Variants in CLIC5 observed in about 807,000 individuals in gnomAD.
The protein encoded by CLIC5 is CLIC family member 5, also known as chloride intracellular channel protein 5.
A neutral mutation model predicts 24.7 loss-of-function variants in CLIC5; 20 were observed. The observed-to-expected ratio is 0.81, with a 90% CI of 0.57 to 1.18. The LOEUF is 1.18. CLIC5 is among the 50% of genes most tolerant of loss of function. The pLI, the probability that CLIC5 is intolerant of heterozygous loss-of-function variation, is 0.00. For synonymous variants in CLIC5, 159 were observed against 135.6 expected (o/e 1.17, Z -1.20); for missense variants, 341 against 326.1 (o/e 1.05, Z -0.35).
chr6:45,998,252 C>CCTAG (rs1766224076), intron 1 of CLIC5, among the ~76,000 whole-genome samples: 1 of 152,216 alleles, frequency 6.6e-6, no homozygotes, highest in African/African-American at 2.4e-5. Flanking sequence ...GTGGAAACTT[C>CCTAG]CTAGCTACCT....
the CLIC5 span, among the ~76,000 whole-genome samples, chr6:46,120,677 A>G: frequency 6.6e-6 from 1 of 152,182 alleles, no homozygotes; most frequent in South Asian, 2.1e-4. Flanking sequence ...GAAGTTAAAA[A>G]CACTGAAAAA....
chr6:46,026,543 C>T (rs1367950515), intron 1 of CLIC5, among the ~76,000 whole-genome samples: 1 of 152,116 alleles, frequency 6.6e-6, no homozygotes, highest in Non-Finnish European at 1.5e-5. Flanking sequence ...TACTCCTATC[C>T]CCATAAAACT....
At chr6:46,066,183 A>C (rs1443380878) in intron 1 of CLIC5, among the ~76,000 whole-genome samples, 1 of 152,150 alleles carries the variant, frequency 6.6e-6, no homozygotes, top group Non-Finnish European at 1.5e-5. Context: ...GAACCAGGCA[A>C]ACAATCAACC....
intron 3 of CLIC5, among the ~76,000 whole-genome samples, chr6:45,948,392 G>A (rs1012500189): frequency 1.3e-5 from 2 of 152,002 alleles, no homozygotes; most frequent in African/African-American, 2.4e-5. Flanking sequence ...CAGCTTCATG[G>A]TCCTCTAGGA....
chr6:45,931,306 G>T (rs745760098), intron 4 of CLIC5, among the ~76,000 whole-genome samples: 2 of 152,146 alleles, frequency 1.3e-5, no homozygotes, highest in African/African-American at 2.4e-5. Context: ...CTGTTTCCAG[G>T]CAAGAGGGAC....
At chr6:46,107,080 A>C in the CLIC5 span, among the ~76,000 whole-genome samples, 1 of 152,358 alleles carries the variant, frequency 6.6e-6, no homozygotes, top group East Asian at 1.9e-4. Context: ...AGTTTATCAA[A>C]TTTACATGAT....
intron 6 of CLIC5, among the ~76,000 whole-genome samples, chr6:45,886,300 A>C (rs760427929): frequency 2.0e-5 from 3 of 152,196 alleles, no homozygotes; most frequent in Non-Finnish European, 4.4e-5. Flanking sequence ...TCGGTAGCCA[A>C]AGGTGAAGCA....
At chr6:46,008,644 C>A (rs991778285) in intron 1 of CLIC5, among the ~76,000 whole-genome samples, 1 of 152,116 alleles carries the variant, frequency 6.6e-6, no homozygotes, top group Non-Finnish European at 1.5e-5. Flanking sequence ...ATCCCCAACT[C>A]CCTACATTCT....
chr6:45,964,500 C>A (rs1425620756), intron 1 of CLIC5, among the ~76,000 whole-genome samples: 3 of 152,150 alleles, frequency 2.0e-5, no homozygotes. Context: ...GGTGATACAG[C>A]TTCTGCCTGT....
intron 1 of CLIC5, among the ~76,000 whole-genome samples, chr6:45,978,241 T>C (rs551903586): frequency 1.7e-4 from 26 of 152,202 alleles, no homozygotes; most frequent in Non-Finnish European, 3.4e-4. Flanking sequence ...GTCTGACCCA[T>C]CTATGGTGCC....
downstream of CLIC5, among the ~76,000 whole-genome samples, chr6:45,896,651 A>G (rs1479740605): frequency 6.6e-6 from 1 of 152,250 alleles, no homozygotes; most frequent in Non-Finnish European, 1.5e-5. Flanking sequence ...GAGTGTAATG[A>G]GATACTCTCA....
chr6:45,882,648 C>T (rs2127279808), intron 6 of CLIC5, among the ~76,000 whole-genome samples: 1 of 152,314 alleles, frequency 6.6e-6, no homozygotes, highest in East Asian at 1.9e-4. Context: ...TTTGTTTTAT[C>T]ACCCTTAAAA....
chr6:46,005,812 C>T (rs1369483485), intron 1 of CLIC5, among the ~76,000 whole-genome samples: 1 of 151,662 alleles, frequency 6.6e-6, no homozygotes, highest in Non-Finnish European at 1.5e-5. Context: ...GAGAAGGTGA[C>T]AGCTATGAAC....
the CLIC5 span, among the ~76,000 whole-genome samples, chr6:46,118,345 T>C: frequency 1.3e-5 from 2 of 152,188 alleles, no homozygotes; most frequent in Non-Finnish European, 2.9e-5. Flanking sequence ...TACATGGTAA[T>C]ATTCAATAAA....
At chr6:46,108,934 G>A in the CLIC5 span, among the ~76,000 whole-genome samples, 1 of 152,018 alleles carries the variant, frequency 6.6e-6, no homozygotes, top group East Asian at 1.9e-4. Context: ...GACTTATTAG[G>A]CTAATTTAGT....
intron 4 of CLIC5, among the ~76,000 whole-genome samples, chr6:45,933,662 T>G (rs1275107155): frequency 6.6e-6 from 1 of 152,134 alleles, no homozygotes; most frequent in Non-Finnish European, 1.5e-5. Context: ...GTGAAAGGGG[T>G]ACATCTTTGC....
At chr6:46,123,560 A>G in the CLIC5 span, among the ~76,000 whole-genome samples, 3 of 152,340 alleles carry the variant, frequency 2.0e-5, no homozygotes, top group East Asian at 1.9e-4. Flanking sequence ...CCTATTCAAC[A>G]TAGTGTTGGA....
chr6:45,977,806 C>T (rs908964316), intron 1 of CLIC5, among the ~76,000 whole-genome samples: 1 of 152,210 alleles, frequency 6.6e-6, no homozygotes, highest in Non-Finnish European at 1.5e-5. Context: ...CCTCTTCAGA[C>T]TACTTCTATT....
exon 7 of CLIC5, chr6:45,881,077 G>T (rs1762259180): frequency 2.5e-6 from 1 of 398,318 alleles, no homozygotes; most frequent in Non-Finnish European, 4.4e-6. Flanking sequence ...TCCACATTTA[G>T]AAATTTCAGT....
Sources: gnomAD v4.1 joint callset for allele counts (sites outside exome capture counted in the v4.1 genomes callset) on GRCh38, gnomAD v4.1.1 for gene constraint, MANE v1.5 for transcripts, NCBI Gene and HGNC (gene_info 2026-07-23, HGNC 2026-07-21) for gene names.